The following TUBGCP5 variants were observed in gnomAD, a reference collection of about 807,000 sequenced individuals.
The protein encoded by TUBGCP5 is tubulin gamma complex component 5.
TUBGCP5 carries 98 observed loss-of-function variants against 134.7 expected under a neutral mutation model. The observed-to-expected ratio is 0.73, with a 90% confidence interval of 0.62 to 0.86. TUBGCP5 has a LOEUF of 0.86. Among genes scored for constraint, TUBGCP5 ranks in the 40% least tolerant of loss-of-function variants. The pLI is 0.00. For synonymous variants in TUBGCP5, 456 were observed against 431.4 expected (o/e 1.06, Z -0.71); for missense variants, 1,150 against 1,244.8 (o/e 0.92, Z 1.15).
At chr15:22,996,275 C>T (rs1233506761), downstream of TUBGCP5, among the ~76,000 whole-genome samples, 1 of 152,040 alleles carries the variant, frequency 6.6e-6, no homozygotes, top group Admixed American at 6.6e-5. Context: ...TTATTTTAGC[C>T]ATGCCAGAGG....
At chr15:23,026,036 A>C (rs1011224295) in intron 8 of TUBGCP5, 80 bp downstream of exon 8, 1 of 1,185,674 alleles carries the variant, frequency 8.4e-7, no homozygotes, top group African/African-American at 1.6e-5. Context: ...AAAATGCTTG[A>C]AAAGTTTCCT....
chr15:23,004,048 A>G, intron 20 of TUBGCP5, 54 bp downstream of exon 20: 1 of 1,544,112 alleles, frequency 6.5e-7, no homozygotes. Context: ...CAAAGCACGC[A>G]GACAGCGCCA....
Position 23,021,948 on chromosome 15 carries a change from G to T in TUBGCP5, c.1371+11C>A. 6.2e-7 allele frequency: 1 copy of T among 1,613,714 alleles called. No individual in the cohort carries two copies. The highest frequency in any genetic ancestry group is 1.7e-4 in the Middle Eastern group (1 of 6,032). ...ATGGAGTCACACACTTTAGGCAGAA[G>T]TCTCACTTACGGTTTGCTCAGAGGC... On this transcript the variant is annotated intron_variant, in intron 11 of 22. Transcript: ENST00000615383.
At position 23,021,945 on chromosome 15, in the gene TUBGCP5, G is replaced by C. The variant is rs747628802; in HGVS notation, c.1371+14C>G. The C allele has an allele frequency of 3.1e-6, 5 of 1,613,506 alleles. No homozygotes were observed. The highest frequency in any genetic ancestry group is 4.2e-6 in the Non-Finnish European group (5 of 1,179,444). ...AGCATGGAGTCACACACTTTAGGCA[G>C]AAGTCTCACTTACGGTTTGCTCAGA... is the stretch of plus-strand genomic sequence containing the variant. On this transcript the variant is annotated intron_variant, in intron 11 of 22. Transcript: ENST00000615383.
Position 23,036,965 on chromosome 15 carries a change from C to G in TUBGCP5, c.241G>C (p.Ala81Pro). The change falls in exon 3 of 23, where the codon GCT becomes CCT. Residue 81 changes from alanine to proline, a missense_variant. Ala to Pro is a conservative substitution (Grantham distance 27). Coordinates refer to ENST00000615383, the MANE Select transcript of TUBGCP5 (RefSeq NM_052903.6). ...TCCGTTAATCTCTTCCAACTAGCAGCTTTGCTTAGATCAGAATGAATGACA... is the reference window on the plus strand; with the variant it reads ...TCCGTTAATCTCTTCCAACTAGCAGGTTTGCTTAGATCAGAATGAATGACA... The part of the protein sequence containing the change: ...KFVIHSDLSK[A>P]ASWKRLTEEF... The G allele has an allele frequency of 6.2e-7, 1 of 1,612,312 alleles. No individual in the cohort carries two copies. The highest frequency in any genetic ancestry group is 8.5e-7 in the Non-Finnish European group (1 of 1,179,358).
chr15:22,988,648 A>C (rs1294467497), intron 23 of TUBGCP5, among the ~76,000 whole-genome samples: 1 of 150,468 alleles, frequency 6.6e-6, no homozygotes. Flanking sequence ...AGGCAGGAGA[A>C]TGGCGTGAAC....
Position 22,999,660 on chromosome 15 carries a change from C to A in TUBGCP5, c.*160G>T. 1.4e-6 allele frequency: 1 copy of A among 734,040 alleles called. No individual in the cohort carries two copies. The highest frequency in any genetic ancestry group is 2.2e-6 in the Non-Finnish European group (1 of 448,360). The allele number at this position is 734,040 out of a possible 1,614,324, so 45.5% of individuals were successfully genotyped here. On this transcript the variant is annotated 3_prime_UTR_variant, in exon 23 of 23. Coordinates refer to ENST00000615383, the MANE Select transcript of TUBGCP5 (RefSeq NM_052903.6). ...AAGTGATCTGCCTGTCTTGGCCTCC[C>A]ATCGTGCTGGGATTAGAGGCATGAG...
chr15:22,988,668 A>G (rs558986823), intron 23 of TUBGCP5, among the ~76,000 whole-genome samples: 2,536 of 150,860 alleles, frequency 0.017, 23 homozygotes, highest in Middle Eastern at 0.051. Flanking sequence ...CCTAGGAGGC[A>G]GAGCTTGCAG....
intron 21 of TUBGCP5, among the ~76,000 whole-genome samples, chr15:23,001,040 A>T (rs1040352675): frequency 2.0e-5 from 3 of 152,118 alleles, no homozygotes; most frequent in African/African-American, 7.2e-5. Flanking sequence ...AATTATTTTT[A>T]AAAAGGTTTT....
intron 6 of TUBGCP5, among the ~76,000 whole-genome samples, chr15:23,029,752 A>G (rs970878549): frequency 1.3e-5 from 2 of 151,894 alleles, no homozygotes; most frequent in African/African-American, 4.8e-5. Context: ...AGTGTGGTAC[A>G]CGCCTGTAAC....
intron 16 of TUBGCP5, among the ~76,000 whole-genome samples, chr15:23,008,250 T>G (rs1307155147): frequency 2.6e-5 from 4 of 152,028 alleles, no homozygotes; most frequent in Non-Finnish European, 5.9e-5. Flanking sequence ...GAGAGTCACA[T>G]AGCTAGCCTC....
chr15:23,028,449 G>A (rs1841359406), intron 6 of TUBGCP5, among the ~76,000 whole-genome samples: 1 of 147,780 alleles, frequency 6.8e-6, no homozygotes, highest in Non-Finnish European at 1.5e-5. Context: ...AAAATAACAT[G>A]ATCAAGCAAG....
At position 23,003,153 on chromosome 15, in the gene TUBGCP5, C is replaced by A. The variant is rs775903963; in HGVS notation, c.2839G>T (p.Val947Phe). Residue 947 changes from valine to phenylalanine, a missense_variant and splice_region_variant, in exon 21 of 23, where the codon GTC (valine) becomes TTC (phenylalanine). Coordinates refer to ENST00000615383, the MANE Select transcript of TUBGCP5 (RefSeq NM_052903.6). Reference sequence around the variant, plus strand: ...ATGATAGCTTCTTTCACAAAGCTGACCTGCAGACCAAAGTCACAGAACACA... The same window carrying A: ...ATGATAGCTTCTTTCACAAAGCTGAACTGCAGACCAAAGTCACAGAACACA... Reference protein sequence around the residue: ...IHDRCLLREKVSFVKEAIMKV... With the variant: ...IHDRCLLREKFSFVKEAIMKV... 1 of 1,614,088 alleles carries A rather than the reference C, an allele frequency of 6.2e-7. No individual in the cohort carries two copies. The highest frequency in any genetic ancestry group is 2.2e-5 in the East Asian group (1 of 44,892).
intron 1 of TUBGCP5, among the ~76,000 whole-genome samples, chr15:23,037,452 G>C (rs1290873324): frequency 6.6e-6 from 1 of 152,102 alleles, no homozygotes; most frequent in Non-Finnish European, 1.5e-5. Context: ...TTCTACATCA[G>C]GTGGTCCCAA....
intron 4 of TUBGCP5, 113 bp from the exon 5 acceptor site, chr15:23,032,142 T>G: frequency 1.5e-6 from 1 of 658,942 alleles, no homozygotes; most frequent in East Asian, 2.8e-5. Context: ...AAATAAAAAT[T>G]TAAAAATATT....
chr15:22,999,997 G>C, intron 22 of TUBGCP5, 131 bp from the exon 23 acceptor site: 2 of 807,456 alleles, frequency 2.5e-6, no homozygotes, highest in South Asian at 3.3e-5. Flanking sequence ...TGCAACCTCT[G>C]CCTCCCGGGT....
At chr15:23,001,573 C>A (rs2064380276) in intron 21 of TUBGCP5, among the ~76,000 whole-genome samples, 1 of 151,964 alleles carries the variant, frequency 6.6e-6, no homozygotes. Flanking sequence ...GAACTCCTGA[C>A]CTCAGGAGAT....
At chr15:22,998,887 GA>G, downstream of TUBGCP5, among the ~76,000 whole-genome samples, 1 of 152,258 alleles carries the variant, frequency 6.6e-6, no homozygotes, top group East Asian at 1.9e-4. Context: ...AAAGTGCTGG[GA>G]TTACAGGGGT....
At chr15:23,027,043 G>A (rs1475768498) in intron 7 of TUBGCP5, 149 bp downstream of exon 7, 4 of 657,114 alleles carry the variant, frequency 6.1e-6, no homozygotes, top group Admixed American at 5.6e-5. Context: ...GCAACGAAGA[G>A]TGAGAATCTG....
Sources: gnomAD v4.1 joint callset for allele counts (sites outside exome capture counted in the v4.1 genomes callset) on GRCh38, gnomAD v4.1.1 for gene constraint, MANE v1.5 for transcripts, NCBI Gene and HGNC (gene_info 2026-07-23, HGNC 2026-07-21) for gene names.